Variants in PRKCA observed in about 807,000 individuals in gnomAD.
PRKCA encodes protein kinase C alpha type.
A neutral mutation model predicts 87.0 loss-of-function variants in PRKCA; 27 were observed. The observed-to-expected ratio is 0.31, with a 90% CI of 0.23 to 0.43. The LOEUF (loss-of-function observed/expected upper bound fraction) is 0.43. Among genes scored for constraint, PRKCA ranks in the 20% least tolerant of loss-of-function variants. The pLI is 1.00. For missense variants in PRKCA, 518 were observed against 852.3 expected (o/e 0.61, Z 4.88); for synonymous variants, 329 against 311.1 (o/e 1.06, Z -0.61).
At chr17:66,579,285 A>G (rs1457331348) in intron 3 of PRKCA, among the ~76,000 whole-genome samples, 1 of 152,182 alleles carries the variant, frequency 6.6e-6, no homozygotes, top group East Asian at 1.9e-4. Context: ...AGGGTCAAGG[A>G]TGGCCTTCCT....
intron 3 of PRKCA, among the ~76,000 whole-genome samples, chr17:66,544,495 G>A (rs562809960): frequency 9.2e-5 from 14 of 152,232 alleles, no homozygotes; most frequent in Non-Finnish European, 1.6e-4. Flanking sequence ...AAAATATTCA[G>A]TTTTCCAGAA....
At chr17:66,591,666 G>T (rs538332261) in intron 3 of PRKCA, among the ~76,000 whole-genome samples, 152 of 152,176 alleles carry the variant, frequency 1.0e-3, no homozygotes, top group Non-Finnish European at 1.9e-3. Flanking sequence ...TGCTTTTTCC[G>T]TGTAAGGTTG....
chr17:66,614,753 G>A (rs1394277862), intron 3 of PRKCA, among the ~76,000 whole-genome samples: 2 of 152,166 alleles, frequency 1.3e-5, no homozygotes, highest in African/African-American at 4.8e-5. Context: ...AAGCTCTTTT[G>A]GAGGTGTGCA....
rs1567807588 is a variant in PRKCA at position 66,396,628 on chromosome 17, TC to T, written c.205+90502del. 3.9e-3 allele frequency among the ~76,000 whole-genome samples: 311 copies of T among 80,056 alleles called. 1 individual carries two copies. The highest frequency in any genetic ancestry group is 0.012 in the African/African-American group (297 of 24,466). The allele number at this position is 80,056 out of a possible 152,430, so 52.5% of individuals were successfully genotyped here. On this transcript the variant is annotated intron_variant, in intron 2 of 16. Transcript: ENST00000413366. ...TGTGAATGTTCTGTCATTCATTCTC[TC>T]TCTTTTTTTTTTTTTTCGTGACAGA...
chr17:66,440,466 A>G (rs1913674082), intron 2 of PRKCA, among the ~76,000 whole-genome samples: 1 of 152,216 alleles, frequency 6.6e-6, no homozygotes, highest in African/African-American at 2.4e-5. Flanking sequence ...CCTAAGATAG[A>G]CTTTGCTGAC....
intron 2 of PRKCA, among the ~76,000 whole-genome samples, chr17:66,336,382 T>C (rs1598599786): frequency 6.6e-6 from 1 of 152,162 alleles, no homozygotes; most frequent in Non-Finnish European, 1.5e-5. Context: ...GGGGCTTCTG[T>C]AAGGACGTGA....
chr17:66,769,129 G>C (rs144537935), intron 13 of PRKCA, among the ~76,000 whole-genome samples: 8 of 152,174 alleles, frequency 5.3e-5, no homozygotes, highest in African/African-American at 1.9e-4. Context: ...TTCCAGGCTG[G>C]GCATAGTGGC....
intron 3 of PRKCA, among the ~76,000 whole-genome samples, chr17:66,632,758 T>C (rs1437712281): frequency 6.6e-6 from 1 of 152,226 alleles, no homozygotes; most frequent in East Asian, 1.9e-4. Context: ...GCTCATTTGA[T>C]TTAACTGCCA....
chr17:66,779,018 A>C (rs1975137123), intron 14 of PRKCA, among the ~76,000 whole-genome samples: 1 of 152,158 alleles, frequency 6.6e-6, no homozygotes, highest in Non-Finnish European at 1.5e-5. Context: ...ATGCAAATTT[A>C]AATGTATTCC....
intron 3 of PRKCA, among the ~76,000 whole-genome samples, chr17:66,570,035 T>A (rs572465893): frequency 2.0e-5 from 3 of 152,286 alleles, no homozygotes; most frequent in Non-Finnish European, 4.4e-5. Context: ...TTTTGTATAA[T>A]CCTATCATGG....
rs575985864 is a variant in PRKCA, at chr17:66,418,543, C to T, written c.206-77658C>T. 2.0e-5 allele frequency among the ~76,000 whole-genome samples: 3 copies of T among 151,248 alleles called. No individual in the cohort carries two copies. In the South Asian group the frequency reaches 6.3e-4, roughly 32 times the overall value. ...CTCTGCCTCCCGGGCTCAAGCAATT[C>T]TCCTGCCTCAGCCTCCTAAGTAGCT... On this transcript the variant is annotated intron_variant, in intron 2 of 16. Coordinates refer to ENST00000413366, the MANE Select transcript of PRKCA (RefSeq NM_002737.3).
At chr17:66,328,676 T>C (rs904041838) in intron 2 of PRKCA, among the ~76,000 whole-genome samples, 10 of 152,106 alleles carry the variant, frequency 6.6e-5, no homozygotes, top group African/African-American at 2.4e-4. Flanking sequence ...CACGTGCCTG[T>C]AATCCCAGCT....
intron 3 of PRKCA, among the ~76,000 whole-genome samples, chr17:66,558,974 T>C (rs1359788147): frequency 1.3e-5 from 2 of 152,124 alleles, no homozygotes; most frequent in African/African-American, 4.8e-5. Context: ...AAACTGGAAA[T>C]AGTGCTGGTA....
chr17:66,603,817 T>G (rs1970126262), intron 3 of PRKCA, among the ~76,000 whole-genome samples: 2 of 152,208 alleles, frequency 1.3e-5, no homozygotes, highest in Non-Finnish European at 2.9e-5. Context: ...TCTGTCTCTA[T>G]GAATCTGACT....
At chr17:66,504,911 G>A (rs896660643) in intron 3 of PRKCA, among the ~76,000 whole-genome samples, 2 of 152,146 alleles carry the variant, frequency 1.3e-5, no homozygotes, top group African/African-American at 4.8e-5. Context: ...TGCAAGGAGG[G>A]AAGCCTGTAA....
At chr17:66,525,251 C>A (rs1967307722) in intron 3 of PRKCA, among the ~76,000 whole-genome samples, 1 of 152,184 alleles carries the variant, frequency 6.6e-6, no homozygotes, top group African/African-American at 2.4e-5. Flanking sequence ...CCATCAGGCA[C>A]CTGCAGCTGC....
chr17:66,439,511 A>G (rs1395574627), intron 2 of PRKCA, among the ~76,000 whole-genome samples: 1 of 152,160 alleles, frequency 6.6e-6, no homozygotes, highest in Non-Finnish European at 1.5e-5. Flanking sequence ...GAAAAAAATT[A>G]TGTTGCTCTA....
intron 5 of PRKCA, among the ~76,000 whole-genome samples, chr17:66,655,285 C>T (rs1190624156): frequency 6.6e-6 from 1 of 152,148 alleles, no homozygotes; most frequent in East Asian, 1.9e-4. Context: ...GTCCACATGA[C>T]CCCTTCTGTA....
At chr17:66,632,100 G>C (rs1157396921) in intron 3 of PRKCA, among the ~76,000 whole-genome samples, 3 of 151,982 alleles carry the variant, frequency 2.0e-5, no homozygotes, top group Non-Finnish European at 4.4e-5. Context: ...TTGCGCCCCA[G>C]TTCCTCCAGC....
Sources: allele counts gnomAD v4.1 joint callset (sites outside exome capture counted in the v4.1 genomes callset), GRCh38; gene constraint gnomAD v4.1.1; transcripts MANE v1.5; gene names NCBI Gene and HGNC (gene_info 2026-07-23, HGNC 2026-07-21).